CPNE4: variants seen among roughly 807,000 people sequenced by gnomAD.
The protein encoded by CPNE4 is copine-4.
CPNE4 carries 25 observed loss-of-function variants against 67.9 expected under a neutral mutation model. That is an observed-to-expected ratio of 0.37 (90% CI 0.27 to 0.51). The LOEUF (loss-of-function observed/expected upper bound fraction) is 0.51, where lower values mean the gene tolerates loss of function less well. Ranked by LOEUF, CPNE4 falls within the 20% of genes least tolerant of loss-of-function variation. The pLI is 0.93. For missense variants in CPNE4, 464 were observed against 690.8 expected (o/e 0.67, Z 3.68); for synonymous variants, 242 against 244.9 (o/e 0.99, Z 0.11).
intron 2 of CPNE4, among the ~76,000 whole-genome samples, chr3:131,820,086 G>A (rs1040418046): frequency 1.3e-5 from 2 of 152,142 alleles, no homozygotes; most frequent in African/African-American, 4.8e-5. Flanking sequence ...AAAATATTAG[G>A]TCTATCTCAG....
At chr3:131,912,168 C>T (rs1203731742) in intron 1 of CPNE4, among the ~76,000 whole-genome samples, 1 of 152,120 alleles carries the variant, frequency 6.6e-6, no homozygotes, top group Non-Finnish European at 1.5e-5. Flanking sequence ...ATTTTAGAAA[C>T]AAATTATAAT....
intron 2 of CPNE4, among the ~76,000 whole-genome samples, chr3:131,849,479 G>A (rs9823931): frequency 0.56 from 84,370 of 151,188 alleles, 23,634 homozygotes; most frequent in Middle Eastern, 0.63. Context: ...TTTCGAACAA[G>A]CAGATCTAAT....
intron 1 of CPNE4, among the ~76,000 whole-genome samples, chr3:131,927,343 G>A (rs1276377065): frequency 1.3e-5 from 2 of 151,998 alleles, no homozygotes; most frequent in Non-Finnish European, 1.5e-5. Flanking sequence ...TGGATCCCAG[G>A]CACTTTCATG....
intron 2 of CPNE4, among the ~76,000 whole-genome samples, chr3:131,828,579 G>T (rs2085255925): frequency 6.6e-6 from 1 of 152,194 alleles, no homozygotes; most frequent in African/African-American, 2.4e-5. Flanking sequence ...CTGCTGCAAA[G>T]AAAGTTGCTC....
intron 1 of CPNE4, among the ~76,000 whole-genome samples, chr3:131,913,051 G>T (rs1416735433): frequency 6.6e-6 from 1 of 152,112 alleles, no homozygotes; most frequent in South Asian, 2.1e-4. Context: ...TAGTATTGAA[G>T]CATTTGAGTT....
In CPNE4 at chr3:131,555,644, C is replaced by G. The variant is rs1936420891; in HGVS notation, c.1062-93G>C. ...AACATTAACCTACATTACTAGGTTG[C>G]TAGGCCATGTTGCTATGCCAGTGCT... On this transcript the variant is annotated intron_variant, in intron 11 of 15. Coordinates refer to ENST00000429747, the MANE Select transcript of CPNE4 (RefSeq NM_130808.3). 4.7e-5 allele frequency: 51 copies of G among 1,092,198 alleles called. No homozygotes were observed. The South Asian group carries it at 6.8e-4, about 15-fold the overall frequency. The allele number at this position is 1,092,198 out of a possible 1,614,324, so 67.7% of individuals were successfully genotyped here. A position where few individuals can be genotyped will look rare whatever the true frequency, so the allele number is the denominator to read the frequency against.
chr3:131,544,265 T>C (rs916633227), intron 14 of CPNE4, among the ~76,000 whole-genome samples: 1 of 152,202 alleles, frequency 6.6e-6, no homozygotes, highest in African/African-American at 2.4e-5. Flanking sequence ...GAGTGACATT[T>C]TGAAAACATC....
At chr3:131,798,168 C>T (rs993854196) in intron 2 of CPNE4, among the ~76,000 whole-genome samples, 2 of 152,124 alleles carry the variant, frequency 1.3e-5, no homozygotes, top group Admixed American at 1.3e-4. Flanking sequence ...AGGACTTCAA[C>T]ATATGTATTT....
intron 1 of CPNE4, among the ~76,000 whole-genome samples, chr3:131,979,193 G>A (rs183459376): frequency 2.6e-4 from 40 of 152,204 alleles, no homozygotes; most frequent in Admixed American, 2.6e-3. Context: ...TTCTGTATAT[G>A]TCTATCTATA....
intron 3 of CPNE4, among the ~76,000 whole-genome samples, chr3:131,713,795 A>C (rs1432676886): frequency 2.0e-5 from 3 of 152,206 alleles, no homozygotes; most frequent in African/African-American, 7.2e-5. Flanking sequence ...GTTAGAAAAA[A>C]AGAGCAAGAA....
At chr3:131,544,768 C>G (rs1350510465) in intron 14 of CPNE4, among the ~76,000 whole-genome samples, 1 of 152,090 alleles carries the variant, frequency 6.6e-6, no homozygotes, top group South Asian at 2.1e-4. Flanking sequence ...ACCTGGAAGA[C>G]CAGGGCAGGT....
chr3:131,790,297 G>A (rs1229615517), intron 2 of CPNE4, among the ~76,000 whole-genome samples: 1 of 152,058 alleles, frequency 6.6e-6, no homozygotes, highest in African/African-American at 2.4e-5. Context: ...AAGTCTTTCT[G>A]TCACAGAGTT....
At chr3:131,660,241 C>T (rs2080086769) in intron 7 of CPNE4, among the ~76,000 whole-genome samples, 1 of 152,190 alleles carries the variant, frequency 6.6e-6, no homozygotes. Flanking sequence ...CTAATTTTCA[C>T]TAATGAAAAA....
At chr3:131,536,832 A>G (rs1208077610) in intron 15 of CPNE4, among the ~76,000 whole-genome samples, 32 of 152,220 alleles carry the variant, frequency 2.1e-4, no homozygotes, top group Non-Finnish European at 2.8e-4. Context: ...GGCAGATACA[A>G]AAGTCATTTA....
chr3:131,997,960 AG>A (rs1444474849), intron 1 of CPNE4, among the ~76,000 whole-genome samples: 6 of 152,138 alleles, frequency 3.9e-5, no homozygotes, highest in African/African-American at 1.4e-4. Context: ...TCCATTGAAG[AG>A]GGCAGAGCCC....
At chr3:131,535,518 A>G (rs936727295) in intron 15 of CPNE4, among the ~76,000 whole-genome samples, 189 bp from the exon 16 acceptor site, 2 of 152,228 alleles carry the variant, frequency 1.3e-5, no homozygotes, top group East Asian at 1.9e-4. Flanking sequence ...TCATTATTAT[A>G]TATTTTTATG....
intron 7 of CPNE4, among the ~76,000 whole-genome samples, chr3:131,631,104 T>A (rs1159604429): frequency 6.6e-6 from 1 of 152,248 alleles, no homozygotes; most frequent in Non-Finnish European, 1.5e-5. Context: ...GCATGCAGAA[T>A]GACATATTTT....
chr3:131,724,820 T>G (rs966057727), intron 2 of CPNE4, among the ~76,000 whole-genome samples: 1 of 152,202 alleles, frequency 6.6e-6, no homozygotes, highest in Non-Finnish European at 1.5e-5. Flanking sequence ...GTCCTTTAGG[T>G]TAAACTGTTT....
At chr3:131,779,637 A>G (rs1441950837) in intron 2 of CPNE4, among the ~76,000 whole-genome samples, 1 of 152,172 alleles carries the variant, frequency 6.6e-6, no homozygotes. Context: ...CCATATGCAG[A>G]AGATTGAAAC....
Sources: gnomAD v4.1 joint callset for allele counts (sites outside exome capture counted in the v4.1 genomes callset) on GRCh38, gnomAD v4.1.1 for gene constraint, MANE v1.5 for transcripts, NCBI Gene and HGNC (gene_info 2026-07-23, HGNC 2026-07-21) for gene names.